Variants in BCAR1 observed in about 807,000 individuals in gnomAD.
The protein encoded by BCAR1 is breast cancer anti-estrogen resistance protein 1.
A neutral mutation model predicts 67.6 loss-of-function variants in BCAR1; 30 were observed. The ratio of observed to expected loss-of-function variants is 0.44; its 90% CI spans 0.33 to 0.60. The LOEUF (loss-of-function observed/expected upper bound fraction) is 0.60, where lower values mean the gene tolerates loss of function less well. Among genes scored for constraint, BCAR1 ranks in the 20% least tolerant of loss-of-function variants. The pLI is 0.02. For missense variants in BCAR1, 1,313 were observed against 1,222.3 expected, an observed-to-expected ratio of 1.07 and a Z score of -1.11; for synonymous variants, 626 against 556.7, an observed-to-expected ratio of 1.12 and a Z score of -1.75.
intron 1 of BCAR1, chr16:75,264,251 G>A: frequency 7.3e-7 from 1 of 1,371,928 alleles, no homozygotes. Context: ...TCTGACTGTG[G>A]ACAACCAAAC....
chr16:75,229,505 C>CCA lies in BCAR1; in HGVS notation c.*4_*5dup, dbSNP rs1487232579. On this transcript the variant is annotated 3_prime_UTR_variant, in exon 7 of 7. Coordinates refer to ENST00000162330, the MANE Select transcript of BCAR1 (RefSeq NM_014567.5). ...CTCCCCTGCCTCCCTCCTGGGGTCA[C>CCA]CACCCTCAGGCGGCTGCCAGCTGGC... 2 of 1,553,768 alleles carry CCA rather than the reference C, an allele frequency of 1.3e-6. No homozygotes were observed. Among genetic ancestry groups the CCA allele is most frequent in the Admixed American group, 3.6e-5 (2 of 55,672 alleles).
intron 1 of BCAR1, chr16:75,264,564 C>G (rs2077965754): frequency 2.9e-6 from 4 of 1,367,924 alleles, no homozygotes; most frequent in Middle Eastern, 3.8e-4. Flanking sequence ...GATGGCGGGG[C>G]TCACATCAGC....
chr16:75,252,446 A>G, upstream of BCAR1: 4 of 1,429,894 alleles, frequency 2.8e-6, no homozygotes, highest in Non-Finnish European at 3.7e-6. Context: ...GGGGAAACCG[A>G]GTGGAGACAA....
At position 75,243,399 on chromosome 16, in the gene BCAR1, C is replaced by T. The variant is rs899710888; in HGVS notation, c.13-309G>A. ...TCCCTAAAAGCCCCACCCAAGGCCACTCTGCTACCTGGACCAACACAAGGA... is the reference window on the plus strand; with the variant it reads ...TCCCTAAAAGCCCCACCCAAGGCCATTCTGCTACCTGGACCAACACAAGGA... On this transcript the variant is annotated intron_variant, in intron 1 of 6. Transcript: ENST00000162330. 8.2e-6 allele frequency: 5 copies of T among 610,640 alleles called. No individual in the cohort carries two copies. In the Middle Eastern group the frequency reaches 1.1e-3, roughly 128 times the overall value. 37.8% of individuals were successfully genotyped at this position (610,640 alleles called of 1,614,324 possible). A position where few individuals can be genotyped will look rare whatever the true frequency, so the allele number is the denominator to read the frequency against.
chr16:75,260,822 C>A (rs1315595425), intron 1 of BCAR1, among the ~76,000 whole-genome samples: 1 of 152,024 alleles, frequency 6.6e-6, no homozygotes, highest in East Asian at 1.9e-4. Context: ...CTCTTTTTGC[C>A]CTGACCATCA....
chr16:75,257,012 G>T (rs988834996), intron 1 of BCAR1, among the ~76,000 whole-genome samples: 1 of 152,212 alleles, frequency 6.6e-6, no homozygotes, highest in Non-Finnish European at 1.5e-5. Context: ...AGCACTGCCT[G>T]GGGGAGGGGG....
chr16:75,258,065 G>A (rs1273773489), intron 1 of BCAR1, among the ~76,000 whole-genome samples: 2 of 152,164 alleles, frequency 1.3e-5, no homozygotes, highest in Admixed American at 6.5e-5. Flanking sequence ...AACACACAGC[G>A]GCACCCTAGT....
chr16:75,251,077 G>A (rs1271713801), intron 1 of BCAR1: 1 of 734,294 alleles, frequency 1.4e-6, no homozygotes, highest in Non-Finnish European at 1.7e-6. Flanking sequence ...ACACCAGCCG[G>A]ACCACCCGCC....
chr16:75,229,455 C>G lies in BCAR1; in HGVS notation c.*56G>C, dbSNP rs375165091. The G allele has an allele frequency of 4.1e-6, 6 of 1,460,512 alleles. No individual in the cohort carries two copies. Among genetic ancestry groups the G allele is most frequent in the Non-Finnish European group, 5.4e-6 (6 of 1,106,432 alleles). The allele number at this position is 1,460,512 out of a possible 1,614,324, so 90.5% of individuals were successfully genotyped here. On this transcript the variant is annotated 3_prime_UTR_variant, in exon 7 of 7. Coordinates refer to ENST00000162330, the MANE Select transcript of BCAR1 (RefSeq NM_014567.5). ...GGCACAGCGACTCTTGACATGGGAG[C>G]CAGGGAGCTGGGACCGCCGCACCCC...
chr16:75,239,387 C>T (rs1204869525), intron 2 of BCAR1, among the ~76,000 whole-genome samples: 1 of 152,134 alleles, frequency 6.6e-6, no homozygotes, highest in East Asian at 1.9e-4. Flanking sequence ...ACGCACAGAA[C>T]CCAGGCAGCC....
chr16:75,265,803 T>C (rs2077997726), intron 1 of BCAR1: 20 of 1,193,496 alleles, frequency 1.7e-5, no homozygotes, highest in Non-Finnish European at 1.8e-5. Context: ...CGGCCCGGGG[T>C]CCCGGGCGGC....
chr16:75,234,325 A>G (rs2077020824), intron 5 of BCAR1, among the ~76,000 whole-genome samples: 1 of 152,136 alleles, frequency 6.6e-6, no homozygotes, highest in Non-Finnish European at 1.5e-5. Context: ...CAGCTCAGGA[A>G]GAGACTGGGC....
chr16:75,242,442 C>T, intron 2 of BCAR1, 28 bp downstream of exon 2: 2 of 1,421,954 alleles, frequency 1.4e-6, no homozygotes, highest in Non-Finnish European at 9.2e-7. Context: ...ACCTGTGTGG[C>T]TGCACAACTG....
intron 3 of BCAR1, 48 bp from the exon 4 acceptor site, chr16:75,237,046 G>C (rs770793743): frequency 1.3e-6 from 2 of 1,541,686 alleles, no homozygotes; most frequent in Non-Finnish European, 8.8e-7. Flanking sequence ...CCACTTGGGG[G>C]AATAGGAAAG....
chr16:75,235,065 C>A lies in BCAR1; in HGVS notation c.1834G>T (p.Ala612Ser). Residue 612 changes from alanine (A) to serine (S), a missense_variant, in exon 5 of 7, where the codon GCC (alanine) becomes TCC (serine). By Grantham distance (99) the Ala-to-Ser change is moderately conservative (BLOSUM62 1). Around this residue, in one of 2 missense-constraint regions of BCAR1, gnomAD observed 1,272 missense variants for 1,137.5 expected, o/e 1.12. Transcript: ENST00000162330. ...GTGCCACCCCCCTCAGGCCCCGGGG[C>A]AGTGGCCTTGGTCCGTCTGAAGAGC... Reference protein sequence around the residue: ...SLLFRRTKATAPGPEGGGTLH... With the variant: ...SLLFRRTKATSPGPEGGGTLH... 1.2e-6 allele frequency: 2 copies of A among 1,613,098 alleles called. No individual in the cohort carries two copies. Among genetic ancestry groups the A allele is most frequent in the Non-Finnish European group, 1.7e-6 (2 of 1,180,012 alleles).
rs188655392 is a variant in BCAR1, at chr16:75,235,092, G to C, written c.1807C>G (p.Leu603Val). Residue 603 changes from leucine (L) to valine (V), a missense_variant, in exon 5 of 7, where the codon CTG (leucine) becomes GTG (valine). This residue lies in a region of BCAR1 where 1,272 missense variants were observed against 1,137.5 expected (regional missense o/e 1.12). Transcript: ENST00000162330. ...LASFLHGNASLLFRRTKATAP... is the reference protein window; with the variant it reads ...LASFLHGNASVLFRRTKATAP... ...GTGGCCTTGGTCCGTCTGAAGAGCA[G>C]TGAGGCATTGCCGTGCAGGAAGGAG... The C allele has an allele frequency of 6.2e-7, 1 of 1,612,464 alleles. No individual in the cohort carries two copies. Among genetic ancestry groups the C allele is most frequent in the African/African-American group, 1.3e-5 (1 of 75,070 alleles).
upstream of BCAR1, chr16:75,251,687 C>A: frequency 1.0e-6 from 1 of 994,102 alleles, no homozygotes; most frequent in Non-Finnish European, 1.2e-6. Context: ...TGCCCGGCCG[C>A]GCGCGCCCAT....
Position 75,240,413 on chromosome 16 carries a change from C to T in BCAR1, c.633+2057G>A, listed in dbSNP as rs184255528. Among the ~76,000 whole-genome samples the T allele has an allele frequency of 4.6e-4, 70 of 152,326 alleles. 1 individual carries two copies. Among genetic ancestry groups the T allele is most frequent in the African/African-American group, 1.6e-3 (68 of 41,568 alleles). On this transcript the variant is annotated intron_variant, in intron 2 of 6. Coordinates refer to ENST00000162330, the MANE Select transcript of BCAR1 (RefSeq NM_014567.5). ...GAGCAATCGGAAACTGCCCAGGGCC[C>T]GCCCCAGCAGAGGGGGCAACCCAGC...
At chr16:75,254,391 C>G (rs1041021882), upstream of BCAR1, among the ~76,000 whole-genome samples, 2 of 152,200 alleles carry the variant, frequency 1.3e-5, no homozygotes, top group African/African-American at 2.4e-5. Flanking sequence ...ACCCCCACCC[C>G]ACTAAGTTTA....
Sources: gnomAD v4.1 joint callset for allele counts (sites outside exome capture counted in the v4.1 genomes callset) on GRCh38, gnomAD v4.1.1 for gene constraint, gnomAD v4.1.1 regional missense constraint, MANE v1.5 for transcripts, NCBI Gene and HGNC (gene_info 2026-07-23, HGNC 2026-07-21) for gene names.